SCFD2: variants seen among roughly 807,000 people sequenced by gnomAD.
SCFD2 encodes the protein sec1 family domain containing 2.
SCFD2 carries 54 observed loss-of-function variants against 58.9 expected under a neutral mutation model. That is an observed-to-expected ratio of 0.92 (90% CI 0.74 to 1.15). The LOEUF (loss-of-function observed/expected upper bound fraction) is 1.15. SCFD2 is among the 50% of genes most tolerant of loss of function. SCFD2 has a pLI of 0.00. For missense variants in SCFD2, 805 were observed against 836.6 expected, an observed-to-expected ratio of 0.96 and a Z score of 0.47; for synonymous variants, 321 against 335.9, an observed-to-expected ratio of 0.96 and a Z score of 0.49.
intron 5 of SCFD2, among the ~76,000 whole-genome samples, chr4:53,142,963 T>C (rs1205423434): frequency 6.6e-6 from 1 of 152,220 alleles, no homozygotes; most frequent in Non-Finnish European, 1.5e-5. Context: ...GTACTTAGTA[T>C]TATAAGATGT....
At chr4:53,028,190 T>C (rs1344997465) in intron 5 of SCFD2, among the ~76,000 whole-genome samples, 1 of 151,980 alleles carries the variant, frequency 6.6e-6, no homozygotes, top group Non-Finnish European at 1.5e-5. Flanking sequence ...GAGGTTGCAG[T>C]GAGCAGAGAT....
At chr4:53,260,232 G>A (rs1276462879) in intron 4 of SCFD2, among the ~76,000 whole-genome samples, 1 of 151,942 alleles carries the variant, frequency 6.6e-6, no homozygotes, top group Non-Finnish European at 1.5e-5. Context: ...CCTTTTCTTG[G>A]CTGAGTGCTC....
intron 4 of SCFD2, among the ~76,000 whole-genome samples, chr4:53,258,766 T>C (rs553968717): frequency 1.3e-5 from 2 of 151,974 alleles, no homozygotes; most frequent in East Asian, 3.9e-4. Flanking sequence ...CTGGGTCAAA[T>C]GGTAGATCTA....
At chr4:53,096,837 T>C (rs1399862795) in intron 5 of SCFD2, among the ~76,000 whole-genome samples, 4 of 152,240 alleles carry the variant, frequency 2.6e-5, no homozygotes, top group Admixed American at 6.5e-5. Context: ...CTAGGGTTTT[T>C]ATGGTTTTAG....
intron 5 of SCFD2, among the ~76,000 whole-genome samples, chr4:53,008,269 C>T (rs1347757255): frequency 6.6e-6 from 1 of 152,118 alleles, no homozygotes; most frequent in Non-Finnish European, 1.5e-5. Flanking sequence ...CTGCATTAGC[C>T]AATCCCATCC....
At chr4:53,226,157 A>G (rs1729206228) in intron 4 of SCFD2, among the ~76,000 whole-genome samples, 1 of 152,006 alleles carries the variant, frequency 6.6e-6, no homozygotes, top group South Asian at 2.1e-4. Flanking sequence ...CCCCTCATCA[A>G]TTGTTCTTAG....
chr4:52,971,548 C>A (rs973412818), intron 5 of SCFD2, among the ~76,000 whole-genome samples: 2 of 152,260 alleles, frequency 1.3e-5, no homozygotes, highest in Non-Finnish European at 2.9e-5. Context: ...GATTGGTGTA[C>A]CTGAAAGTGA....
chr4:53,235,248 T>G (rs75660249), intron 4 of SCFD2, among the ~76,000 whole-genome samples: 4,154 of 152,218 alleles, frequency 0.027, 146 homozygotes, highest in East Asian at 0.16. Flanking sequence ...TGCAAAAAGG[T>G]GAGAACAGGT....
chr4:53,346,059 CTGCACGTTG>C (rs1734048021), intron 2 of SCFD2, among the ~76,000 whole-genome samples: 1 of 152,054 alleles, frequency 6.6e-6, no homozygotes, highest in South Asian at 2.1e-4. Flanking sequence ...TGTAACAAAC[CTGCACGTTG>C]TGCACGTGTA....
At chr4:53,040,604 A>G (rs1432539681) in intron 5 of SCFD2, among the ~76,000 whole-genome samples, 1 of 152,140 alleles carries the variant, frequency 6.6e-6, no homozygotes, top group Non-Finnish European at 1.5e-5. Flanking sequence ...ATTTGTCTAA[A>G]AATTTCCGAG....
intron 4 of SCFD2, among the ~76,000 whole-genome samples, chr4:53,238,253 G>A (rs1270346859): frequency 7.7e-5 from 10 of 130,154 alleles, no homozygotes; most frequent in African/African-American, 2.9e-4. Flanking sequence ...AGTAGGGGCG[G>A]CCAGGCAGAG....
chr4:53,348,889 AT>A (rs575020010), intron 2 of SCFD2, among the ~76,000 whole-genome samples: 147 of 148,078 alleles, frequency 9.9e-4, no homozygotes, highest in African/African-American at 3.4e-3. Flanking sequence ...TAATTTTTGT[AT>A]TTTTTTTTTA....
chr4:53,027,245 C>A (rs1288418243), intron 5 of SCFD2, among the ~76,000 whole-genome samples: 1 of 151,988 alleles, frequency 6.6e-6, no homozygotes, highest in African/African-American at 2.4e-5. Context: ...AGTTACCCAG[C>A]CCCACACACT....
At chr4:52,913,607 G>C (rs1397862303) in intron 6 of SCFD2, among the ~76,000 whole-genome samples, 1 of 152,078 alleles carries the variant, frequency 6.6e-6, no homozygotes, top group Non-Finnish European at 1.5e-5. Flanking sequence ...AGAAATTAAA[G>C]TGCACAATAA....
chr4:53,187,248 C>G (rs1330037240), intron 4 of SCFD2, among the ~76,000 whole-genome samples: 1 of 151,988 alleles, frequency 6.6e-6, no homozygotes, highest in Non-Finnish European at 1.5e-5. Context: ...TTAAATTTTT[C>G]TTCTTATTAA....
chr4:53,174,397 A>G (rs1237955994), intron 4 of SCFD2, among the ~76,000 whole-genome samples: 1 of 152,190 alleles, frequency 6.6e-6, no homozygotes, highest in African/African-American at 2.4e-5. Context: ...ATTATAATGA[A>G]ATTGTAAAAA....
chr4:53,032,504 TAA>T (rs1200251110), intron 5 of SCFD2, among the ~76,000 whole-genome samples: 1 of 152,108 alleles, frequency 6.6e-6, no homozygotes, highest in Non-Finnish European at 1.5e-5. Context: ...GCAAATTGGA[TAA>T]AGAGTCAAGA....
At chr4:53,179,762 C>T (rs1313105444) in intron 4 of SCFD2, among the ~76,000 whole-genome samples, 10 of 152,144 alleles carry the variant, frequency 6.6e-5, no homozygotes, top group African/African-American at 9.7e-5. Context: ...CCCCATCTCA[C>T]GTGCAGAGAC....
chr4:53,102,149 A>C (rs1724848137), intron 5 of SCFD2, among the ~76,000 whole-genome samples: 1 of 152,198 alleles, frequency 6.6e-6, no homozygotes, highest in African/African-American at 2.4e-5. Flanking sequence ...GGTGCAACTC[A>C]AAATGCTGGG....
Sources: allele counts gnomAD v4.1 joint callset (sites outside exome capture counted in the v4.1 genomes callset), GRCh38; gene constraint gnomAD v4.1.1; transcripts MANE v1.5; gene names NCBI Gene and HGNC (gene_info 2026-07-23, HGNC 2026-07-21).